Variants in TACR1 observed in about 807,000 individuals in gnomAD.
The protein encoded by TACR1 is substance-P receptor.
In TACR1, 25 loss-of-function variants were observed where a neutral mutation model predicts 35.8. The observed-to-expected ratio is 0.70, with a 90% CI of 0.51 to 0.98. TACR1 has a LOEUF of 0.98. Among genes scored for constraint, TACR1 ranks in the 50% least tolerant of loss-of-function variants. The pLI is 0.00. For synonymous variants in TACR1, 195 were observed against 206.7 expected, an observed-to-expected ratio of 0.94 and a Z score of 0.48; for missense variants, 478 against 522.9, an observed-to-expected ratio of 0.91 and a Z score of 0.84.
At chr2:75,101,687 C>T (rs1276500241) in intron 2 of TACR1, among the ~76,000 whole-genome samples, 1 of 152,138 alleles carries the variant, frequency 6.6e-6, no homozygotes, top group Non-Finnish European at 1.5e-5. Flanking sequence ...GTGGCTCACA[C>T]CTGTAATCCC....
At chr2:75,184,916 A>G (rs949844854) in intron 1 of TACR1, among the ~76,000 whole-genome samples, 1 of 151,920 alleles carries the variant, frequency 6.6e-6, no homozygotes, top group African/African-American at 2.4e-5. Context: ...TATGCTAATA[A>G]TTCTTTCCAA....
chr2:75,120,839 C>T lies in TACR1; in HGVS notation c.390-71G>A, dbSNP rs139719530. On this transcript the variant is annotated intron_variant, in intron 1 of 4. Coordinates refer to ENST00000305249, the MANE Select transcript of TACR1 (RefSeq NM_001058.4). ...TCTGTATCAGAGATTCCATATTTTT[C>T]CTGCCAATAAGAAAATTCATAGAAA... 9 of 1,271,110 alleles carry T rather than the reference C, an allele frequency of 7.1e-6. No individual in the cohort carries two copies. The African/African-American group carries it at 1.2e-4, about 17-fold the overall frequency. The allele number at this position is 1,271,110 out of a possible 1,614,324, so 78.7% of individuals were successfully genotyped here. A position where few individuals can be genotyped will look rare whatever the true frequency, so the allele number is the denominator to read the frequency against.
chr2:75,151,900 G>A (rs1305040444), intron 1 of TACR1, among the ~76,000 whole-genome samples: 1 of 152,206 alleles, frequency 6.6e-6, no homozygotes, highest in Non-Finnish European at 1.5e-5. Flanking sequence ...CTGTGACCTC[G>A]ATGTGAGACC....
At chr2:75,093,410 C>T (rs181208250) in intron 2 of TACR1, among the ~76,000 whole-genome samples, 26 of 152,322 alleles carry the variant, frequency 1.7e-4, no homozygotes, top group Admixed American at 1.5e-3. Flanking sequence ...TTTTCTCCAT[C>T]AGTCAACTTG....
intron 2 of TACR1, among the ~76,000 whole-genome samples, chr2:75,056,350 T>C (rs1053080081): frequency 2.0e-5 from 3 of 152,194 alleles, no homozygotes; most frequent in Non-Finnish European, 4.4e-5. Context: ...CTTGCTTTCT[T>C]GGGCTCTTAC....
chr2:75,179,947 T>A (rs1420827980), intron 1 of TACR1, among the ~76,000 whole-genome samples: 1 of 152,200 alleles, frequency 6.6e-6, no homozygotes, highest in Non-Finnish European at 1.5e-5. Context: ...CTAATAATTG[T>A]GGTCTATATG....
At chr2:75,166,670 A>G (rs2104005733) in intron 1 of TACR1, among the ~76,000 whole-genome samples, 1 of 152,372 alleles carries the variant, frequency 6.6e-6, no homozygotes, top group East Asian at 1.9e-4. Context: ...GAATGAGAGC[A>G]CAGCAAGTGA....
chr2:75,132,717 G>C (rs1223703259), intron 1 of TACR1, among the ~76,000 whole-genome samples: 1 of 152,072 alleles, frequency 6.6e-6, no homozygotes, highest in Non-Finnish European at 1.5e-5. Context: ...GTTGAAGGTG[G>C]GTTCCTTCAG....
At chr2:75,114,610 T>TCAACC (rs1197248477) in intron 2 of TACR1, among the ~76,000 whole-genome samples, 3 of 152,190 alleles carry the variant, frequency 2.0e-5, no homozygotes, top group Non-Finnish European at 2.9e-5. Flanking sequence ...AAGGAAAGGG[T>TCAACC]CAGTGCATTT....
chr2:75,137,032 T>C lies in TACR1; in HGVS notation c.390-16264A>G, dbSNP rs375415049. Reference sequence around the variant, plus strand: ...TGGCCTGGGCTTCAAGGAGAAATTGTTAGGTCAATGGTATCTCACCAGGCT... The same window carrying C: ...TGGCCTGGGCTTCAAGGAGAAATTGCTAGGTCAATGGTATCTCACCAGGCT... On this transcript the variant is annotated intron_variant, in intron 1 of 4. Transcript: ENST00000305249. Among the ~76,000 whole-genome samples, 35 of 152,294 alleles carry C rather than the reference T, an allele frequency of 2.3e-4. No individual in the cohort carries two copies. The East Asian group carries it at 2.9e-3, about 13-fold the overall frequency.
At chr2:75,172,291 G>A (rs1373819614) in intron 1 of TACR1, among the ~76,000 whole-genome samples, 2 of 152,148 alleles carry the variant, frequency 1.3e-5, no homozygotes, top group African/African-American at 4.8e-5. Flanking sequence ...ACCCTGAACA[G>A]CCCCATCCCA....
At chr2:75,147,820 T>A (rs1201723918) in intron 1 of TACR1, among the ~76,000 whole-genome samples, 1 of 151,732 alleles carries the variant, frequency 6.6e-6, no homozygotes, top group Non-Finnish European at 1.5e-5. Flanking sequence ...CTTGGCTCAC[T>A]GCAACCTCTG....
At chr2:75,157,319 C>T (rs55645959) in intron 1 of TACR1, among the ~76,000 whole-genome samples, 3 of 152,130 alleles carry the variant, frequency 2.0e-5, no homozygotes, top group Non-Finnish European at 4.4e-5. Context: ...CCTCACCCAC[C>T]TATGGAAGCA....
chr2:75,180,508 C>T (rs1028396866), intron 1 of TACR1, among the ~76,000 whole-genome samples: 7 of 152,190 alleles, frequency 4.6e-5, no homozygotes, highest in Non-Finnish European at 1.0e-4. Flanking sequence ...TTAGATGTGA[C>T]ACAAGCATAG....
intron 1 of TACR1, among the ~76,000 whole-genome samples, chr2:75,136,615 T>A (rs1674296715): frequency 6.6e-6 from 1 of 152,154 alleles, no homozygotes; most frequent in African/African-American, 2.4e-5. Context: ...TGCCTCATCT[T>A]ACAGCATCCC....
At chr2:75,155,014 G>A (rs1355232517) in intron 1 of TACR1, among the ~76,000 whole-genome samples, 3 of 152,076 alleles carry the variant, frequency 2.0e-5, no homozygotes, top group Non-Finnish European at 4.4e-5. Flanking sequence ...GAACATCTCT[G>A]ACCTCACCTT....
intron 1 of TACR1, among the ~76,000 whole-genome samples, chr2:75,165,414 C>T (rs1194886700): frequency 1.3e-5 from 2 of 151,770 alleles, no homozygotes; most frequent in South Asian, 2.1e-4. Context: ...GTTCACACCA[C>T]TCTCCTGCCT....
In TACR1 at chr2:75,126,873, C is replaced by T. The variant is rs144403945; in HGVS notation, c.390-6105G>A. ...TTTTCAAAGAAGACATACCTGTGGC[C>T]GCAAGCATATGAAAAAAATCTCAAT... On this transcript the variant is annotated intron_variant, in intron 1 of 4. Coordinates refer to ENST00000305249, the MANE Select transcript of TACR1 (RefSeq NM_001058.4). 7.1e-3 allele frequency among the ~76,000 whole-genome samples: 1,087 copies of T among 152,108 alleles called. 4 individuals are homozygous for T. Among genetic ancestry groups the T allele is most frequent in the Admixed American group, 0.011 (173 of 15,280 alleles).
intron 1 of TACR1, among the ~76,000 whole-genome samples, chr2:75,192,901 A>G (rs1406292846): frequency 6.6e-6 from 1 of 152,194 alleles, no homozygotes; most frequent in Admixed American, 6.5e-5. Flanking sequence ...CAAATGATGG[A>G]TATTAATAAA....
Sources: allele counts gnomAD v4.1 joint callset (sites outside exome capture counted in the v4.1 genomes callset), GRCh38; gene constraint gnomAD v4.1.1; transcripts MANE v1.5; gene names NCBI Gene and HGNC (gene_info 2026-07-23, HGNC 2026-07-21).